The following NEO1 variants were observed in gnomAD, a reference collection of about 807,000 sequenced individuals.
The protein encoded by NEO1 is neogenin.
Under a neutral mutation model 159.7 loss-of-function variants are expected in NEO1, and 63 were observed. The ratio of observed to expected loss-of-function variants is 0.39; its 90% CI spans 0.32 to 0.49. NEO1 has a LOEUF of 0.49. Among genes scored for constraint, NEO1 ranks in the 20% least tolerant of loss-of-function variants. The pLI is 0.85. For missense variants in NEO1, 1,615 were observed against 1,831.0 expected (o/e 0.88, Z 2.15); for synonymous variants, 633 against 662.0 (o/e 0.96, Z 0.67).
intron 1 of NEO1, among the ~76,000 whole-genome samples, chr15:73,104,905 G>A (rs549092739): frequency 6.6e-6 from 1 of 152,176 alleles, no homozygotes; most frequent in South Asian, 2.1e-4. Context: ...ACAGCAAGGG[G>A]AAATGCGCCC....
chr15:73,245,979 G>A (rs2039774150), intron 9 of NEO1, among the ~76,000 whole-genome samples: 1 of 152,136 alleles, frequency 6.6e-6, no homozygotes, highest in African/African-American at 2.4e-5. Flanking sequence ...TTTGGGTAGA[G>A]AGTATTTTAG....
At chr15:73,241,867 G>C (rs1345961617) in intron 8 of NEO1, among the ~76,000 whole-genome samples, 1 of 152,130 alleles carries the variant, frequency 6.6e-6, no homozygotes, top group African/African-American at 2.4e-5. Context: ...GAAATTTGAT[G>C]TGGGTATTAG....
At chr15:73,192,847 A>G (rs1347384656) in intron 7 of NEO1, among the ~76,000 whole-genome samples, 3 of 152,028 alleles carry the variant, frequency 2.0e-5, no homozygotes, top group Non-Finnish European at 2.9e-5. Flanking sequence ...TAGCTGAGGA[A>G]TGGGATTGGA....
chr15:73,056,465 G>A (rs985333260), intron 1 of NEO1, among the ~76,000 whole-genome samples: 7 of 152,172 alleles, frequency 4.6e-5, no homozygotes, highest in African/African-American at 1.2e-4. Context: ...GGGGTTGGCC[G>A]GGTTGTCTTA....
intron 1 of NEO1, among the ~76,000 whole-genome samples, chr15:73,101,125 T>C (rs1000562323): frequency 6.6e-6 from 1 of 152,248 alleles, no homozygotes; most frequent in African/African-American, 2.4e-5. Context: ...AGCGTTACTT[T>C]AGTTGCATTG....
intron 1 of NEO1, among the ~76,000 whole-genome samples, chr15:73,099,722 A>G (rs1419119887): frequency 1.3e-5 from 2 of 152,188 alleles, no homozygotes; most frequent in Non-Finnish European, 2.9e-5. Context: ...GAACTTGGTA[A>G]CAATTTGTAG....
At chr15:73,274,139 G>C in intron 20 of NEO1, 134 bp downstream of exon 20, 1 of 874,864 alleles carries the variant, frequency 1.1e-6, no homozygotes, top group Admixed American at 3.0e-5. Context: ...ATGATGTGAA[G>C]ATTTATCCCA....
At chr15:73,211,315 C>T (rs922831876) in intron 7 of NEO1, among the ~76,000 whole-genome samples, 2 of 152,168 alleles carry the variant, frequency 1.3e-5, no homozygotes, top group East Asian at 1.9e-4. Flanking sequence ...CCCAGCTTTC[C>T]GCTTGGAGCC....
intron 1 of NEO1, among the ~76,000 whole-genome samples, chr15:73,103,638 C>G (rs1317695778): frequency 1.3e-5 from 2 of 152,168 alleles, no homozygotes; most frequent in Admixed American, 6.5e-5. Context: ...ACTATAAGCA[C>G]TCTTAAGGGC....
At chr15:73,183,409 G>T (rs1463600618) in intron 7 of NEO1, among the ~76,000 whole-genome samples, 1 of 152,190 alleles carries the variant, frequency 6.6e-6, no homozygotes, top group Non-Finnish European at 1.5e-5. Context: ...TGCAGGCAGA[G>T]ACTCATTGAT....
At chr15:73,287,102 A>G (rs1448805833) in intron 23 of NEO1, among the ~76,000 whole-genome samples, 2 of 152,138 alleles carry the variant, frequency 1.3e-5, no homozygotes, top group Non-Finnish European at 2.9e-5. Flanking sequence ...GTCCCTGACT[A>G]CCTTTCTAGT....
intron 1 of NEO1, among the ~76,000 whole-genome samples, chr15:73,090,229 C>T (rs2069609555): frequency 6.6e-6 from 1 of 152,016 alleles, no homozygotes; most frequent in Admixed American, 6.6e-5. Context: ...GAGTCTTGCT[C>T]TGTCGCTCAG....
At chr15:73,247,637 C>G (rs2039863912) in intron 9 of NEO1, among the ~76,000 whole-genome samples, 1 of 152,230 alleles carries the variant, frequency 6.6e-6, no homozygotes, top group South Asian at 2.1e-4. Flanking sequence ...TGCTGTTATT[C>G]AGGAAAGCCA....
At position 73,254,745 on chromosome 15, in the gene NEO1, A is replaced by T; in HGVS notation, c.2008A>T (p.Lys670Ter). The T allele has an allele frequency of 6.2e-7, 1 of 1,614,114 alleles. No individual in the cohort carries two copies. The highest frequency in any genetic ancestry group is 8.5e-7 in the Non-Finnish European group (1 of 1,179,988). The change falls in exon 13 of 29, where the codon AAG (lysine) becomes TAG (stop). Residue 670 changes from lysine to a stop codon, truncating the protein, a stop_gained. Transcript: ENST00000261908. LOFTEE classifies it high-confidence loss of function. ...ATQNGQITGYKIRYRKASRKS... is the reference protein window; with the variant it reads ...ATQNGQITGY The stretch of plus-strand genomic sequence containing the variant: ...ACAAAATGGGCAGATTACTGGCTAC[A>T]AGATTCGCTACCGAAAGGCCTCCCG...
intron 9 of NEO1, among the ~76,000 whole-genome samples, chr15:73,246,757 G>A (rs770743878): frequency 3.3e-5 from 5 of 152,176 alleles, no homozygotes; most frequent in Non-Finnish European, 5.9e-5. Flanking sequence ...ATTTGTGTCT[G>A]TACATATTCA....
At chr15:73,291,563 G>C (rs2042165756) in intron 25 of NEO1, among the ~76,000 whole-genome samples, 1 of 152,082 alleles carries the variant, frequency 6.6e-6, no homozygotes, top group Non-Finnish European at 1.5e-5. Flanking sequence ...TATTCCCTGA[G>C]CTCTGGGCCC....
intron 5 of NEO1, among the ~76,000 whole-genome samples, chr15:73,152,549 AAAGT>A (rs1444807042): frequency 6.6e-6 from 1 of 152,162 alleles, no homozygotes; most frequent in African/African-American, 2.4e-5. Context: ...AAATGTTAAG[AAAGT>A]GTTTCTCTGA....
At chr15:73,224,119 A>G (rs1369759364) in intron 7 of NEO1, among the ~76,000 whole-genome samples, 1 of 152,174 alleles carries the variant, frequency 6.6e-6, no homozygotes, top group Non-Finnish European at 1.5e-5. Flanking sequence ...AGGAGGCTGA[A>G]GATAGGGCCC....
intron 27 of NEO1, among the ~76,000 whole-genome samples, chr15:73,299,468 C>CTCCGACTCCCGGGT (rs1196437350): frequency 2.1e-4 from 32 of 151,800 alleles, no homozygotes; most frequent in African/African-American, 7.5e-4. Context: ...TCACTGCAAG[C>CTCCGACTCCCGGGT]TCCGACTCCC....
Sources: gnomAD v4.1 joint callset for allele counts (sites outside exome capture counted in the v4.1 genomes callset) on GRCh38, gnomAD v4.1.1 for gene constraint, MANE v1.5 for transcripts, NCBI Gene and HGNC (gene_info 2026-07-23, HGNC 2026-07-21) for gene names.